The following CNTN5 variants were observed in gnomAD, a reference collection of about 807,000 sequenced individuals.
CNTN5 encodes the protein contactin-5.
CNTN5 carries 77 observed loss-of-function variants against 129.1 expected under a neutral mutation model. The ratio of observed to expected loss-of-function variants is 0.60; its 90% CI spans 0.50 to 0.72. The LOEUF is 0.72. Among genes scored for constraint, CNTN5 ranks in the 30% least tolerant of loss-of-function variants. The pLI is 0.00. For missense variants in CNTN5, 1,478 were observed against 1,328.8 expected, an observed-to-expected ratio of 1.11 and a Z score of -1.75; for synonymous variants, 509 against 465.6, an observed-to-expected ratio of 1.09 and a Z score of -1.20.
intron 7 of CNTN5, among the ~76,000 whole-genome samples, chr11:99,929,748 T>C (rs1276165331): frequency 6.6e-6 from 1 of 152,070 alleles, no homozygotes; most frequent in African/African-American, 2.4e-5. Context: ...CATGTGGAGA[T>C]TATGGGAGCT....
At chr11:99,792,158 G>A (rs1216095073) in intron 3 of CNTN5, among the ~76,000 whole-genome samples, 1 of 151,978 alleles carries the variant, frequency 6.6e-6, no homozygotes, top group Admixed American at 6.6e-5. Flanking sequence ...GGTGAAAATG[G>A]TCACTCTTTC....
At chr11:99,643,229 A>ATATG (rs5794010) in intron 3 of CNTN5, among the ~76,000 whole-genome samples, 90,878 of 151,496 alleles carry the variant, frequency 0.6, 28,061 homozygotes, top group Admixed American at 0.69. Flanking sequence ...AAAGTCTTGA[A>ATATG]TATGTGTGTG....
intron 16 of CNTN5, among the ~76,000 whole-genome samples, chr11:100,228,132 C>T (rs1290839929): frequency 1.3e-5 from 2 of 152,130 alleles, no homozygotes; most frequent in African/African-American, 4.8e-5. Context: ...GATAAAAATT[C>T]ACTTTCTCAT....
intron 2 of CNTN5, among the ~76,000 whole-genome samples, chr11:99,411,401 T>A (rs938252407): frequency 6.6e-6 from 1 of 152,114 alleles, no homozygotes; most frequent in Admixed American, 6.5e-5. Context: ...CCACCTGTAG[T>A]CCCAGCTATT....
intron 1 of CNTN5, among the ~76,000 whole-genome samples, chr11:99,033,948 T>C (rs1167141943): frequency 2.6e-5 from 4 of 151,694 alleles, no homozygotes; most frequent in African/African-American, 9.7e-5. Context: ...GTCCCATCAA[T>C]ACCTAATTTA....
At chr11:99,703,359 G>T (rs558281026) in intron 3 of CNTN5, among the ~76,000 whole-genome samples, 1 of 150,024 alleles carries the variant, frequency 6.7e-6, no homozygotes, top group South Asian at 2.1e-4. Flanking sequence ...TTCTTACATG[G>T]ACTGAAGTGA....
At chr11:100,018,617 C>A (rs1454342993) in intron 9 of CNTN5, among the ~76,000 whole-genome samples, 1 of 151,932 alleles carries the variant, frequency 6.6e-6, no homozygotes, top group Non-Finnish European at 1.5e-5. Context: ...TACCATAAAT[C>A]TTCCATGAAC....
At chr11:99,372,586 G>C (rs1002757072) in intron 2 of CNTN5, among the ~76,000 whole-genome samples, 2 of 151,952 alleles carry the variant, frequency 1.3e-5, no homozygotes, top group African/African-American at 2.4e-5. Flanking sequence ...TGGCCAGCAG[G>C]CTTGCCATTT....
chr11:100,177,157 A>AG (rs1394419636), intron 13 of CNTN5, among the ~76,000 whole-genome samples: 15 of 152,112 alleles, frequency 9.9e-5, no homozygotes, highest in African/African-American at 3.4e-4. Context: ...AAAGTAATTA[A>AG]GAAAAAATTC....
chr11:99,844,349 A>G (rs1050240085), intron 4 of CNTN5, among the ~76,000 whole-genome samples: 1 of 152,124 alleles, frequency 6.6e-6, no homozygotes, highest in African/African-American at 2.4e-5. Context: ...TACACCCCAG[A>G]ATTGTTAGCA....
At chr11:99,130,921 A>G (rs1858899710) in intron 1 of CNTN5, among the ~76,000 whole-genome samples, 1 of 152,168 alleles carries the variant, frequency 6.6e-6, no homozygotes, top group African/African-American at 2.4e-5. Flanking sequence ...AATGAGAACA[A>G]AGAGACATGG....
chr11:100,312,962 A>T (rs1473222829), intron 21 of CNTN5, among the ~76,000 whole-genome samples: 4 of 152,106 alleles, frequency 2.6e-5, no homozygotes, highest in African/African-American at 9.7e-5. Flanking sequence ...CTCTGATAAC[A>T]ATACACATAG....
chr11:99,935,788 C>A (rs75060538), intron 7 of CNTN5, among the ~76,000 whole-genome samples: 1,811 of 152,162 alleles, frequency 0.012, 40 homozygotes, highest in African/African-American at 0.041. Flanking sequence ...CTTTTCTCAG[C>A]CTGCTGGTAA....
intron 13 of CNTN5, among the ~76,000 whole-genome samples, chr11:100,131,028 A>AG (rs1328150170): frequency 6.6e-6 from 1 of 152,142 alleles, no homozygotes; most frequent in Non-Finnish European, 1.5e-5. Context: ...GGGCTACCTA[A>AG]GGGGTCTCCC....
In CNTN5 at chr11:100,239,074, C is replaced by T. The variant is rs556956099; in HGVS notation, c.2005+14262C>T. Among the ~76,000 whole-genome samples, 3 of 152,254 alleles carry T rather than the reference C, an allele frequency of 2.0e-5. No homozygotes were observed. In the East Asian group the frequency reaches 5.8e-4, roughly 29 times the overall value. On this transcript the variant is annotated intron_variant, in intron 16 of 24. Transcript: ENST00000524871. ...GGGCCATCTCAGTATATTCAGTTAA[C>T]TGAGCTGATGAAATCTTGCATTCGT...
chr11:99,428,411 A>T (rs2135091357), intron 2 of CNTN5, among the ~76,000 whole-genome samples: 1 of 151,974 alleles, frequency 6.6e-6, no homozygotes. Flanking sequence ...ACATACAAAA[A>T]TTAGCTGGGC....
chr11:100,001,374 C>T (rs910315582), intron 8 of CNTN5, among the ~76,000 whole-genome samples: 2 of 152,138 alleles, frequency 1.3e-5, no homozygotes, highest in Non-Finnish European at 2.9e-5. Flanking sequence ...CTACCACGTG[C>T]CTCTCGACAT....
At chr11:99,168,350 A>T (rs1311652181) in intron 1 of CNTN5, among the ~76,000 whole-genome samples, 1 of 151,486 alleles carries the variant, frequency 6.6e-6, no homozygotes, top group Non-Finnish European at 1.5e-5. Context: ...GGGTGGGGGG[A>T]CGGCAGGTCA....
intron 3 of CNTN5, among the ~76,000 whole-genome samples, chr11:99,778,165 C>T (rs1945190488): frequency 6.6e-6 from 1 of 151,764 alleles, no homozygotes; most frequent in Non-Finnish European, 1.5e-5. Flanking sequence ...TTTCATAAAA[C>T]TACTGAAGTC....
Sources: allele counts gnomAD v4.1 joint callset (sites outside exome capture counted in the v4.1 genomes callset), GRCh38; gene constraint gnomAD v4.1.1; transcripts MANE v1.5; gene names NCBI Gene and HGNC (gene_info 2026-07-23, HGNC 2026-07-21).